The following IFNAR2 variants were observed in gnomAD, a reference collection of about 807,000 sequenced individuals.
IFNAR2 encodes the protein interferon alpha/beta receptor 2.
IFNAR2 carries 30 observed loss-of-function variants against 49.4 expected under a neutral mutation model. The observed-to-expected ratio is 0.61, with a 90% CI of 0.45 to 0.82. IFNAR2 has a LOEUF of 0.82. IFNAR2 is among the 40% of genes least tolerant of loss of function. IFNAR2 has a pLI of 0.00. For synonymous variants in IFNAR2, 224 were observed against 234.5 expected (o/e 0.96, Z 0.41); for missense variants, 600 against 622.7 (o/e 0.96, Z 0.39).
intron 1 of IFNAR2, chr21:33,232,875 A>C (rs1465955144): frequency 2.4e-6 from 1 of 413,336 alleles, no homozygotes; most frequent in African/African-American, 2.2e-5. Context: ...CTGCCATATC[A>C]GTAGGAGGTA....
At position 33,260,685 on chromosome 21, in the gene IFNAR2, G is replaced by T. The variant is rs757314865; in HGVS notation, c.798G>T (p.Trp266Cys). The T allele has an allele frequency of 3.1e-6, 5 of 1,601,110 alleles. No homozygotes were observed. Among genetic ancestry groups the T allele is most frequent in the Non-Finnish European group, 4.2e-6 (5 of 1,177,234 alleles). The change falls in exon 8 of 9, where the codon TGG becomes TGT. Residue 266 changes from tryptophan (W) to cysteine (C), a missense_variant. By Grantham distance (215) the Trp-to-Cys change is radical. Coordinates refer to ENST00000342136, the MANE Select transcript of IFNAR2 (RefSeq NM_001289125.3). ...VLTSTIVTLK[W>C]IGYICLRNSL... ...CAAGCACCATAGTGACACTGAAATG[G>T]ATTGGTTATATATGCTTAAGAAATA...
chr21:33,241,994 A>G lies in IFNAR2; in HGVS notation c.55+17A>G, dbSNP rs1444716777. The G allele has an allele frequency of 1.2e-6, 2 of 1,607,416 alleles. No individual in the cohort carries two copies. Among genetic ancestry groups the G allele is most frequent in the East Asian group, 2.2e-5 (1 of 44,584 alleles). On this transcript the variant is annotated intron_variant, in intron 2 of 8. Transcript: ENST00000342136. ...TTCTCATGGGTAAGTGCTGCTTTTT[A>G]TCTTAGCTCTTATAGAAGCAAGCTG...
chr21:33,260,858 C>T, intron 8 of IFNAR2, 131 bp downstream of exon 8: 2 of 562,032 alleles, frequency 3.6e-6, no homozygotes, highest in East Asian at 3.3e-5. Flanking sequence ...TGCTTTCTCA[C>T]TCTGAGTTCT....
At chr21:33,242,528 C>T (rs966549690) in intron 2 of IFNAR2, among the ~76,000 whole-genome samples, 4 of 151,600 alleles carry the variant, frequency 2.6e-5, no homozygotes, top group Admixed American at 2.6e-4. Flanking sequence ...GTCAGGAGAT[C>T]GAGACCATCC....
chr21:33,244,678 G>A (rs188784081), intron 3 of IFNAR2, among the ~76,000 whole-genome samples: 27 of 152,312 alleles, frequency 1.8e-4, no homozygotes, highest in Non-Finnish European at 3.7e-4. Context: ...GACAGTCCAA[G>A]GGCATCGGAG....
chr21:33,233,908 CA>C (rs369800912), intron 1 of IFNAR2, among the ~76,000 whole-genome samples: 50 of 137,996 alleles, frequency 3.6e-4, no homozygotes, highest in Non-Finnish European at 4.0e-4. Context: ...AATATACAGC[CA>C]AAAAAAAAAG....
intron 3 of IFNAR2, 125 bp downstream of exon 3, chr21:33,243,839 G>T (rs1987183851): frequency 1.3e-6 from 1 of 782,346 alleles, no homozygotes; most frequent in Non-Finnish European, 2.3e-6. Flanking sequence ...GTTTTATTGG[G>T]ATTCTTTCTC....
At chr21:33,262,746 C>CA in intron 8 of IFNAR2, 47 bp from the exon 9 acceptor site, 1 of 1,575,530 alleles carries the variant, frequency 6.3e-7, no homozygotes, top group Non-Finnish European at 8.7e-7. Context: ...AAAGAGCAAA[C>CA]AGTACAGCTG....
At chr21:33,236,212 C>T (rs1050319544) in intron 1 of IFNAR2, among the ~76,000 whole-genome samples, 3 of 152,072 alleles carry the variant, frequency 2.0e-5, no homozygotes, top group Non-Finnish European at 2.9e-5. Flanking sequence ...TCAGGGATAC[C>T]GAGGGAGCCA....
intron 7 of IFNAR2, among the ~76,000 whole-genome samples, chr21:33,256,566 G>A (rs772129111): frequency 8.5e-5 from 13 of 152,330 alleles, no homozygotes; most frequent in Middle Eastern, 3.4e-3. Context: ...TCCTAGGGCA[G>A]ACTGATATGG....
intron 7 of IFNAR2, among the ~76,000 whole-genome samples, chr21:33,260,217 G>A (rs1294370578): frequency 6.6e-6 from 1 of 152,154 alleles, no homozygotes; most frequent in East Asian, 1.9e-4. Flanking sequence ...ACTTCTTCCT[G>A]CCCGCAGCGC....
In IFNAR2 at chr21:33,252,804, C is replaced by A; in HGVS notation, c.683C>A (p.Thr228Asn). ...QAVIKSPLKC[T>N]LLPPGQESES... ...GTAATAAAGTCTCCCTTAAAATGCA[C>A]CCTCCTTCCACCTGGCCAGGAATCA... The change falls in exon 7 of 9, where the codon ACC becomes AAC. Residue 228 changes from threonine to asparagine, a missense_variant. Coordinates refer to ENST00000342136, the MANE Select transcript of IFNAR2 (RefSeq NM_001289125.3). The A allele has an allele frequency of 6.2e-7, 1 of 1,613,808 alleles. No individual in the cohort carries two copies. The highest frequency in any genetic ancestry group is 8.5e-7 in the Non-Finnish European group (1 of 1,179,734).
At chr21:33,241,049 T>C (rs895870513) in intron 1 of IFNAR2, among the ~76,000 whole-genome samples, 9 of 152,122 alleles carry the variant, frequency 5.9e-5, no homozygotes, top group African/African-American at 1.2e-4. Flanking sequence ...GAAGGGTGGA[T>C]TGGGTGTGGG....
intron 1 of IFNAR2, among the ~76,000 whole-genome samples, chr21:33,237,341 G>C (rs1284236116): frequency 3.3e-5 from 5 of 151,710 alleles, no homozygotes; most frequent in Admixed American, 3.3e-4. Flanking sequence ...AGACCAGCCT[G>C]GACAACATAG....
At chr21:33,236,116 A>G (rs879673470) in intron 1 of IFNAR2, among the ~76,000 whole-genome samples, 70 of 152,104 alleles carry the variant, frequency 4.6e-4, no homozygotes, top group African/African-American at 1.5e-3. Flanking sequence ...GAAGAAGCAA[A>G]CTGAAGCCAG....
chr21:33,234,948 T>G (rs1006526120), intron 1 of IFNAR2: 4 of 155,148 alleles, frequency 2.6e-5, no homozygotes, highest in African/African-American at 9.6e-5. Flanking sequence ...CTTGATCATA[T>G]GCTAAACAAG....
chr21:33,232,938 T>C, intron 1 of IFNAR2: 4 of 982,680 alleles, frequency 4.1e-6, no homozygotes, highest in Non-Finnish European at 4.8e-6. Context: ...GGGGGAAAAA[T>C]AGGAAAGGAA....
chr21:33,261,638 GCTGAGGCGGGTGGA>G (rs1988575850), intron 8 of IFNAR2, among the ~76,000 whole-genome samples: 1 of 152,198 alleles, frequency 6.6e-6, no homozygotes, highest in Admixed American at 6.5e-5. Context: ...ACTTTGGGAG[GCTGAGGCGGGTGGA>G]TCATTTGAGC....
chr21:33,231,325 T>C (rs1428559797), intron 1 of IFNAR2, among the ~76,000 whole-genome samples: 2 of 152,242 alleles, frequency 1.3e-5, no homozygotes, highest in Admixed American at 6.5e-5. Context: ...TTGATCTGTT[T>C]GTCGCAGAAA....
Sources: allele counts gnomAD v4.1 joint callset (sites outside exome capture counted in the v4.1 genomes callset), GRCh38; gene constraint gnomAD v4.1.1; transcripts MANE v1.5; gene names NCBI Gene and HGNC (gene_info 2026-07-23, HGNC 2026-07-21).